The following ENTPD7 variants were observed in gnomAD, a reference collection of about 807,000 sequenced individuals.
ENTPD7 encodes ectonucleoside triphosphate diphosphohydrolase 7, also known as NTPDase 7.
A neutral mutation model predicts 77.9 loss-of-function variants in ENTPD7; 53 were observed. The observed-to-expected ratio is 0.68, with a 90% confidence interval of 0.55 to 0.85. The LOEUF is 0.85. ENTPD7 is among the 40% of genes least tolerant of loss of function. The pLI is 0.00. For synonymous variants in ENTPD7, 248 were observed against 274.9 expected, an observed-to-expected ratio of 0.90 and a Z score of 0.97; for missense variants, 636 against 743.7, an observed-to-expected ratio of 0.86 and a Z score of 1.68.
At chr10:99,686,496 A>G (rs931770498) in intron 6 of ENTPD7, among the ~76,000 whole-genome samples, 20 of 152,276 alleles carry the variant, frequency 1.3e-4, no homozygotes, top group African/African-American at 4.3e-4. Context: ...AATTGCAGAC[A>G]TATACATGGG....
At chr10:99,682,507 T>C (rs1334343883) in intron 5 of ENTPD7, among the ~76,000 whole-genome samples, 1 of 152,230 alleles carries the variant, frequency 6.6e-6, no homozygotes, top group Non-Finnish European at 1.5e-5. Flanking sequence ...TTTTTACTTA[T>C]CTTTAAAACC....
intron 5 of ENTPD7, among the ~76,000 whole-genome samples, chr10:99,683,528 A>C (rs758559664): frequency 1.3e-5 from 2 of 152,254 alleles, no homozygotes; most frequent in Non-Finnish European, 2.9e-5. Flanking sequence ...AGAACAGTGC[A>C]GTAAATCCCC....
chr10:99,676,504 G>A (rs1590041992), intron 3 of ENTPD7, among the ~76,000 whole-genome samples: 2 of 152,266 alleles, frequency 1.3e-5, no homozygotes, highest in East Asian at 3.9e-4. Context: ...AAGGGAAGCA[G>A]GAAGATTCTG....
At chr10:99,660,817 G>C (rs994410386) in intron 2 of ENTPD7, among the ~76,000 whole-genome samples, 2 of 152,068 alleles carry the variant, frequency 1.3e-5, no homozygotes, top group East Asian at 3.9e-4. Flanking sequence ...AGCTACTGGG[G>C]AGGCTGAGGG....
At chr10:99,703,570 ACTG>A (rs940854946) in intron 12 of ENTPD7, among the ~76,000 whole-genome samples, 1 of 152,216 alleles carries the variant, frequency 6.6e-6, no homozygotes, top group African/African-American at 2.4e-5. Flanking sequence ...CTGGATCTGG[ACTG>A]CTGAAGAGTG....
intron 5 of ENTPD7, among the ~76,000 whole-genome samples, chr10:99,682,106 T>G (rs1295165328): frequency 6.6e-6 from 1 of 152,176 alleles, no homozygotes; most frequent in Non-Finnish European, 1.5e-5. Context: ...TTGCCAACCT[T>G]AACTTTAGAA....
chr10:99,685,623 T>C (rs1047379925), intron 5 of ENTPD7, among the ~76,000 whole-genome samples, 169 bp from the exon 6 acceptor site: 7 of 152,036 alleles, frequency 4.6e-5, no homozygotes, highest in Admixed American at 3.9e-4. Flanking sequence ...CTGGAGGCAG[T>C]TTAAACTTTT....
chr10:99,690,729 A>G (rs2035872286), intron 7 of ENTPD7, among the ~76,000 whole-genome samples: 1 of 150,756 alleles, frequency 6.6e-6, no homozygotes, highest in Non-Finnish European at 1.5e-5. Context: ...TTTAGTAGAG[A>G]CAGGGTTTCA....
chr10:99,692,186 A>G (rs1047770270), intron 8 of ENTPD7, among the ~76,000 whole-genome samples: 1 of 152,228 alleles, frequency 6.6e-6, no homozygotes, highest in Non-Finnish European at 1.5e-5. Flanking sequence ...AGCAGTGCTT[A>G]ACTTGATCTA....
At chr10:99,702,022 G>A (rs1439420831) in intron 11 of ENTPD7, among the ~76,000 whole-genome samples, 1 of 151,216 alleles carries the variant, frequency 6.6e-6, no homozygotes, top group East Asian at 1.9e-4. Context: ...GCACTCCAGC[G>A]TGGGTGACAG....
At chr10:99,674,420 A>G (rs1451654701) in intron 3 of ENTPD7, among the ~76,000 whole-genome samples, 1 of 152,214 alleles carries the variant, frequency 6.6e-6, no homozygotes, top group African/African-American at 2.4e-5. Flanking sequence ...GAATTTTTTC[A>G]TCTTGCAGAT....
chr10:99,692,089 C>T (rs2035891960), intron 8 of ENTPD7, among the ~76,000 whole-genome samples: 1 of 152,172 alleles, frequency 6.6e-6, no homozygotes, highest in African/African-American at 2.4e-5. Flanking sequence ...ATATTATGTA[C>T]AAGGAATAGA....
Position 99,695,942 on chromosome 10 carries a change from G to A in ENTPD7, c.844-14G>A, listed in dbSNP as rs1376610381. ...AAACTAAAATTCCCTTTTTCTCTTG[G>A]TATTGTATTATAGGAAGAAGCTGCC... On this transcript the variant is annotated splice_polypyrimidine_tract_variant and intron_variant, in intron 8 of 12. Coordinates refer to ENST00000370489, the MANE Select transcript of ENTPD7 (RefSeq NM_020354.5). 6.3e-7 allele frequency: 1 copy of A among 1,598,382 alleles called. No individual in the cohort carries two copies. Among genetic ancestry groups the A allele is most frequent in the Non-Finnish European group, 8.5e-7 (1 of 1,174,452 alleles).
At chr10:99,701,080 C>T in intron 11 of ENTPD7, 22 bp downstream of exon 11, 1 of 1,585,468 alleles carries the variant, frequency 6.3e-7, no homozygotes, top group Non-Finnish European at 8.7e-7. Flanking sequence ...CCCTTTCCTC[C>T]TTAGATGTGG....
At chr10:99,679,921 G>A (rs750944684) in intron 5 of ENTPD7, 46 bp downstream of exon 5, 1 of 1,579,664 alleles carries the variant, frequency 6.3e-7, no homozygotes, top group South Asian at 1.2e-5. Flanking sequence ...TGGCACAAGA[G>A]ATGAAAGGCC....
Position 99,659,951 on chromosome 10 carries a change from G to C in ENTPD7, c.-6G>C. On this transcript the variant is annotated 5_prime_UTR_variant, in exon 2 of 13. Coordinates refer to ENST00000370489, the MANE Select transcript of ENTPD7 (RefSeq NM_020354.5). This position sits in a 1 kb window ranked among gnomAD's most constrained non-coding sequence, Gnocchi z 4.1. ...TGACAGGCGTTGAGACCACCGAAGG[G>C]AACCCATGGCTAGGTAAGGCTGCAC... The C allele has an allele frequency of 6.2e-7, 1 of 1,614,052 alleles. No homozygotes were observed. The highest frequency in any genetic ancestry group is 8.5e-7 in the Non-Finnish European group (1 of 1,179,996).
At chr10:99,667,384 G>A (rs916969943) in intron 3 of ENTPD7, among the ~76,000 whole-genome samples, 4 of 152,184 alleles carry the variant, frequency 2.6e-5, no homozygotes, top group Admixed American at 6.5e-5. Context: ...CAAGGAGTTC[G>A]TAATCTAGTT....
Position 99,702,506 on chromosome 10 carries a change from A to C in ENTPD7, c.1422-6A>C. The C allele has an allele frequency of 6.5e-7, 1 of 1,536,962 alleles. No homozygotes were observed. Reference sequence around the variant, plus strand: ...TTTTTAAAATTTAATTATTTTTGTCACACAGATATCAGTGTTTTAAATCGG... The same window carrying C: ...TTTTTAAAATTTAATTATTTTTGTCCCACAGATATCAGTGTTTTAAATCGG... On this transcript the variant is annotated splice_region_variant and splice_polypyrimidine_tract_variant and intron_variant, in intron 11 of 12. Transcript: ENST00000370489.
chr10:99,704,362 G>T, intron 12 of ENTPD7, 90 bp from the exon 13 acceptor site: 4 of 1,267,108 alleles, frequency 3.2e-6, no homozygotes, highest in Non-Finnish European at 4.5e-6. Context: ...GAATAAATGT[G>T]ATAACACTAC....
Sources: allele counts gnomAD v4.1 joint callset (sites outside exome capture counted in the v4.1 genomes callset), GRCh38; gene constraint gnomAD v4.1.1; non-coding constraint Gnocchi (gnomAD v3.1); transcripts MANE v1.5; gene names NCBI Gene and HGNC (gene_info 2026-07-23, HGNC 2026-07-21).